AK7: variants seen among roughly 807,000 people sequenced by gnomAD.
AK7 encodes ATP-AMP transphosphorylase 7.
In AK7, 78 loss-of-function variants were observed where a neutral mutation model predicts 96.6. The observed-to-expected ratio is 0.81, with a 90% CI of 0.67 to 0.97. The LOEUF is 0.97. AK7 is among the 50% of genes least tolerant of loss of function. The pLI, the probability that AK7 is intolerant of heterozygous loss-of-function variation, is 0.00. For synonymous variants in AK7, 302 were observed against 317.2 expected, an observed-to-expected ratio of 0.95 and a Z score of 0.51; for missense variants, 855 against 887.9, an observed-to-expected ratio of 0.96 and a Z score of 0.47.
intron 10 of AK7, 70 bp downstream of exon 10, chr14:96,451,640 GCCAACGGAAGTATTTGCTTTT>G: frequency 7.6e-7 from 1 of 1,311,242 alleles, no homozygotes; most frequent in Non-Finnish European, 9.9e-7. Flanking sequence ...GTGTGATGAT[GCCAACGGAAGTATTTGCTTTT>G]TCAGACGTTC....
intron 14 of AK7, among the ~76,000 whole-genome samples, 191 bp downstream of exon 14, chr14:96,472,946 G>A (rs913469424): frequency 3.3e-5 from 5 of 152,020 alleles, no homozygotes; most frequent in Non-Finnish European, 7.4e-5. Context: ...GCTGGGTGTC[G>A]TAGCGTGTGC....
chr14:96,432,025 C>T (rs1892380601), intron 5 of AK7, among the ~76,000 whole-genome samples: 1 of 152,096 alleles, frequency 6.6e-6, no homozygotes, highest in Non-Finnish European at 1.5e-5. Context: ...CCTTCTTTGT[C>T]TCTTTTGATC....
At chr14:96,395,743 A>G (rs575664845) in intron 1 of AK7, among the ~76,000 whole-genome samples, 1 of 148,986 alleles carries the variant, frequency 6.7e-6, no homozygotes, top group South Asian at 2.1e-4. Context: ...AAAAAAAAAA[A>G]AGAATGAGGG....
chr14:96,414,221 G>A (rs764873825), intron 4 of AK7, among the ~76,000 whole-genome samples: 62 of 152,294 alleles, frequency 4.1e-4, no homozygotes, highest in Middle Eastern at 3.4e-3. Flanking sequence ...TGGGGCTGTC[G>A]TGCACACTTG....
At chr14:96,478,849 G>C (rs1895342092) in intron 15 of AK7, among the ~76,000 whole-genome samples, 187 bp downstream of exon 15, 1 of 152,006 alleles carries the variant, frequency 6.6e-6, no homozygotes, top group African/African-American at 2.4e-5. Flanking sequence ...TTGGTGGTGG[G>C]AGGGTGTTAT....
chr14:96,442,838 C>T lies in AK7; in HGVS notation c.779+20C>T, dbSNP rs543435774. On this transcript the variant is annotated intron_variant, in intron 7 of 17. Coordinates refer to ENST00000267584, the MANE Select transcript of AK7 (RefSeq NM_152327.5). ...AGCAGGGTAAGCATTCGCCCAGAGACGTGACCTTCACAGAATTGGTTAATG... is the reference window on the plus strand; with the variant it reads ...AGCAGGGTAAGCATTCGCCCAGAGATGTGACCTTCACAGAATTGGTTAATG... 3.4e-5 allele frequency: 54 copies of T among 1,602,424 alleles called. No homozygotes were observed. In the Admixed American group the frequency reaches 4.8e-4, roughly 14 times the overall value.
intron 2 of AK7, among the ~76,000 whole-genome samples, chr14:96,400,498 C>T (rs1174002355): frequency 6.6e-6 from 1 of 152,198 alleles, no homozygotes; most frequent in East Asian, 1.9e-4. Flanking sequence ...TAGCTAGTGG[C>T]CCAGAAGTGG....
At chr14:96,473,323 A>C (rs1456445152) in intron 14 of AK7, among the ~76,000 whole-genome samples, 1 of 151,356 alleles carries the variant, frequency 6.6e-6, no homozygotes, top group African/African-American at 2.4e-5. Flanking sequence ...GGCGCCTACC[A>C]CCATGACTGG....
chr14:96,406,101 T>C (rs1890696241), intron 3 of AK7, among the ~76,000 whole-genome samples: 1 of 151,926 alleles, frequency 6.6e-6, no homozygotes, highest in Non-Finnish European at 1.5e-5. Flanking sequence ...TCACCCAGGC[T>C]GGAGTGCAGT....
intron 14 of AK7, among the ~76,000 whole-genome samples, chr14:96,475,399 A>G (rs1895119268): frequency 6.6e-6 from 1 of 152,138 alleles, no homozygotes; most frequent in Non-Finnish European, 1.5e-5. Context: ...GTCTAGATCA[A>G]TGCCGTTGTT....
chr14:96,463,618 G>T (rs996821375), intron 12 of AK7, among the ~76,000 whole-genome samples: 2 of 151,416 alleles, frequency 1.3e-5, no homozygotes, highest in African/African-American at 4.9e-5. Context: ...TACTCGGGAG[G>T]CTGAGGCAGG....
At chr14:96,393,486 G>A (rs1382423631) in intron 1 of AK7, among the ~76,000 whole-genome samples, 1 of 152,214 alleles carries the variant, frequency 6.6e-6, no homozygotes, top group African/African-American at 2.4e-5. Context: ...GGTTTCTACT[G>A]GAAGCTCCAG....
chr14:96,424,821 A>T (rs1347170668), intron 5 of AK7, among the ~76,000 whole-genome samples: 1 of 152,204 alleles, frequency 6.6e-6, no homozygotes, highest in Non-Finnish European at 1.5e-5. Flanking sequence ...TAAATTCCAT[A>T]ACTATGTTAT....
intron 2 of AK7, among the ~76,000 whole-genome samples, chr14:96,401,909 C>G (rs532169191): frequency 3.3e-5 from 5 of 152,236 alleles, no homozygotes; most frequent in African/African-American, 1.2e-4. Flanking sequence ...CTATGACAGC[C>G]CTTTCCACAT....
At chr14:96,442,603 C>G in intron 6 of AK7, 127 bp from the exon 7 acceptor site, 3 of 768,416 alleles carry the variant, frequency 3.9e-6, no homozygotes, top group South Asian at 1.5e-5. Context: ...ATAAAACACC[C>G]CCTAGAGGAA....
At chr14:96,418,965 T>A (rs1891515040) in intron 4 of AK7, among the ~76,000 whole-genome samples, 1 of 152,238 alleles carries the variant, frequency 6.6e-6, no homozygotes, top group South Asian at 2.1e-4. Context: ...TTTAAAACCC[T>A]GAAACCCTGC....
intron 12 of AK7, among the ~76,000 whole-genome samples, chr14:96,460,708 C>T (rs565583240): frequency 5.3e-5 from 8 of 152,300 alleles, no homozygotes; most frequent in Middle Eastern, 6.8e-3. Flanking sequence ...ATCCCATTCC[C>T]TACCAGGTGT....
Position 96,487,001 on chromosome 14 carries a change from T to C in AK7, c.2078T>C (p.Ile693Thr), listed in dbSNP as rs1366906331. The C allele has an allele frequency of 6.2e-7, 1 of 1,614,186 alleles. No homozygotes were observed. The highest frequency in any genetic ancestry group is 8.5e-7 in the Non-Finnish European group (1 of 1,180,034). ...YLMTYVMPTL[I>T]QGLNECCNVR... ...ATGACCTATGTGATGCCAACTCTTA[T>C]TCAGGGCCTGAATGAATGTTGCAAC... Residue 693 changes from isoleucine to threonine, a missense_variant, in exon 17 of 18, where the codon ATT becomes ACT. Transcript: ENST00000267584.
intron 9 of AK7, among the ~76,000 whole-genome samples, chr14:96,450,595 C>T (rs943480973): frequency 6.6e-6 from 1 of 150,498 alleles, no homozygotes; most frequent in African/African-American, 2.4e-5. Flanking sequence ...GGGTTTTTTG[C>T]AGTGTGCTTT....
Sources: allele counts gnomAD v4.1 joint callset (sites outside exome capture counted in the v4.1 genomes callset), GRCh38; gene constraint gnomAD v4.1.1; transcripts MANE v1.5; gene names NCBI Gene and HGNC (gene_info 2026-07-23, HGNC 2026-07-21).